Variants in EIF3L observed in about 807,000 individuals in gnomAD.
EIF3L encodes eIEF associated protein HSPC021.
A neutral mutation model predicts 74.6 loss-of-function variants in EIF3L; 32 were observed. That is an observed-to-expected ratio of 0.43 (90% CI 0.32 to 0.58). The LOEUF is 0.58. EIF3L is among the 20% of genes least tolerant of loss of function. The pLI is 0.06. For synonymous variants in EIF3L, 256 were observed against 254.4 expected, an observed-to-expected ratio of 1.01 and a Z score of -0.06; for missense variants, 474 against 707.8, an observed-to-expected ratio of 0.67 and a Z score of 3.75.
intron 2 of EIF3L, chr22:37,850,586 G>C: frequency 5.7e-6 from 1 of 175,386 alleles, no homozygotes; most frequent in Non-Finnish European, 1.3e-5. Flanking sequence ...TGATCCACCC[G>C]CCCCAACCTC....
chr22:37,855,205 G>T (rs1198959398), intron 3 of EIF3L, among the ~76,000 whole-genome samples: 1 of 152,132 alleles, frequency 6.6e-6, no homozygotes, highest in Non-Finnish European at 1.5e-5. Context: ...GTTTAGAGAC[G>T]TTTGGATGTG....
At position 37,860,476 on chromosome 22, in the gene EIF3L, G is replaced by A. The variant is rs148967156; in HGVS notation, c.435+1736G>A. Among the ~76,000 whole-genome samples the A allele has an allele frequency of 6.0e-3, 908 of 152,216 alleles. 6 individuals are homozygous for A. The highest frequency in any genetic ancestry group is 0.021 in the African/African-American group (875 of 41,526). Reference sequence around the variant, plus strand: ...CTCAAGCAATTCTCCAGGCTCAAACGATTCTCCTTCCTCAGCCTCCTGAGT... The same window carrying A: ...CTCAAGCAATTCTCCAGGCTCAAACAATTCTCCTTCCTCAGCCTCCTGAGT... On this transcript the variant is annotated intron_variant, in intron 5 of 12. Coordinates refer to ENST00000652021, the MANE Select transcript of EIF3L (RefSeq NM_016091.4).
At chr22:37,880,200 C>G (rs529222071) in intron 11 of EIF3L, 1 of 152,080 alleles carries the variant, frequency 6.6e-6, no homozygotes, top group Non-Finnish European at 1.5e-5. Context: ...GTAAGCTTCA[C>G]CTCCCAGGTT....
At chr22:37,853,155 C>T (rs1925319666) in intron 3 of EIF3L, among the ~76,000 whole-genome samples, 1 of 152,128 alleles carries the variant, frequency 6.6e-6, no homozygotes, top group Non-Finnish European at 1.5e-5. Context: ...AGCCTCAGTT[C>T]TTGCCTCCTC....
At chr22:37,873,914 A>G (rs1245284017) in intron 8 of EIF3L, among the ~76,000 whole-genome samples, 1 of 152,188 alleles carries the variant, frequency 6.6e-6, no homozygotes, top group East Asian at 1.9e-4. Context: ...TGCAGTGACT[A>G]CTGGTACAAT....
chr22:37,865,321 G>A (rs1257836212), intron 7 of EIF3L, among the ~76,000 whole-genome samples: 1 of 151,880 alleles, frequency 6.6e-6, no homozygotes, highest in African/African-American at 2.4e-5. Flanking sequence ...ACAGCTGGGC[G>A]TGGTGGTGTG....
At position 37,863,288 on chromosome 22, in the gene EIF3L, T is replaced by G; in HGVS notation, c.522T>G (p.Ala174=). ...FNYILNADGP[A]PLELPNQWLW... is the part of the protein sequence containing the mutation. ...CCTGCACAGATGCCGATGGTCCTGC[T>G]CCCCTTGAACTACCCAACCAGTGGC... The change falls in exon 7 of 13, where the codon GCT becomes GCG. Residue 174 remains alanine (A), a synonymous_variant. Coordinates refer to ENST00000652021, the MANE Select transcript of EIF3L (RefSeq NM_016091.4). 1 of 1,613,860 alleles carries G rather than the reference T, an allele frequency of 6.2e-7. No homozygotes were observed. Among genetic ancestry groups the G allele is most frequent in the Admixed American group, 1.7e-5 (1 of 59,934 alleles).
Position 37,877,893 on chromosome 22 carries a change from C to G in EIF3L, c.1297C>G (p.Pro433Ala). 1 of 1,612,980 alleles carries G rather than the reference C, an allele frequency of 6.2e-7. No homozygotes were observed. The highest frequency in any genetic ancestry group is 8.5e-7 in the Non-Finnish European group (1 of 1,179,844). The change falls in exon 11 of 13, where the codon CCC becomes GCC. Residue 433 changes from proline (P) to alanine (A), a missense_variant. By Grantham distance (27) the Pro-to-Ala change is conservative. Transcript: ENST00000652021. ...PVVPNYDNVHPNYHKEPFLQQ... is the reference protein window; with the variant it reads ...PVVPNYDNVHANYHKEPFLQQ... ...AGTGCCCAACTATGATAATGTGCAC[C>G]CCAACTACCACAAAGAGCCCTTCCT...
chr22:37,862,074 G>A (rs111354110), intron 5 of EIF3L, among the ~76,000 whole-genome samples: 9 of 152,298 alleles, frequency 5.9e-5, no homozygotes, highest in African/African-American at 1.9e-4. Flanking sequence ...GGCCTCAGGT[G>A]ATCAGCCCAC....
chr22:37,852,448 A>T (rs546076479), intron 3 of EIF3L, among the ~76,000 whole-genome samples: 1 of 152,254 alleles, frequency 6.6e-6, no homozygotes, highest in East Asian at 1.9e-4. Flanking sequence ...GCAGGTTTTG[A>T]GGGGCTGCCG....
chr22:37,874,532 C>T lies in EIF3L; in HGVS notation c.906+8C>T, dbSNP rs759497195. The T allele has an allele frequency of 1.2e-6, 2 of 1,612,060 alleles. No homozygotes were observed. Among genetic ancestry groups the T allele is most frequent in the Non-Finnish European group, 1.7e-6 (2 of 1,178,594 alleles). On this transcript the variant is annotated splice_region_variant and intron_variant, in intron 9 of 12. Transcript: ENST00000652021. ...ATCGAACTGAACAAGAAGGTGATGC[C>T]TATTGCCTCTGGCCCCTCTTGCCAG...
Position 37,877,736 on chromosome 22 carries a change from G to A in EIF3L, c.1140G>A (p.Met380Ile), listed in dbSNP as rs748041513. ...LLAIALTMYP[M>I]RIDESIHLQL... The stretch of plus-strand genomic sequence containing the variant: ...CCATTGCCCTCACGATGTACCCCAT[G>A]CGTATTGATGAGAGCATTCACCTCC... The change falls in exon 11 of 13, where the codon ATG becomes ATA. Residue 380 changes from methionine to isoleucine, a missense_variant. Met to Ile is a conservative substitution (Grantham distance 10, BLOSUM62 1). Transcript: ENST00000652021. 1.2e-6 allele frequency: 2 copies of A among 1,613,756 alleles called. No individual in the cohort carries two copies. The highest frequency in any genetic ancestry group is 2.2e-5 in the South Asian group (2 of 91,066).
chr22:37,874,616 A>G, intron 9 of EIF3L, 92 bp downstream of exon 9: 3 of 1,406,818 alleles, frequency 2.1e-6, no homozygotes, highest in Non-Finnish European at 2.9e-6. Context: ...TTTCCAGGAG[A>G]GGAAAGAGGA....
At position 37,875,888 on chromosome 22, in the gene EIF3L, T is replaced by A; in HGVS notation, c.954T>A (p.Tyr318Ter). Reference protein sequence around the residue: ...VPECQVTTYYYVGFAYLMMRR... With the variant: ...VPECQVTTYY ...AGTGCCAGGTCACCACATACTATTA[T>A]GTTGGGTTTGCATATTTGATGATGC... The change falls in exon 10 of 13, where the codon TAT becomes TAA. Residue 318 changes from tyrosine (Y) to a stop codon, truncating the protein, a stop_gained. Coordinates refer to ENST00000652021, the MANE Select transcript of EIF3L (RefSeq NM_016091.4). LOFTEE classifies it high-confidence loss of function. The A allele has an allele frequency of 6.2e-7, 1 of 1,614,096 alleles. No individual in the cohort carries two copies. Among genetic ancestry groups the A allele is most frequent in the Non-Finnish European group, 8.5e-7 (1 of 1,180,024 alleles).
chr22:37,870,331 G>C lies in EIF3L; in HGVS notation c.735G>C (p.Glu245Asp). 1.2e-6 allele frequency: 2 copies of C among 1,609,608 alleles called. No homozygotes were observed. The highest frequency in any genetic ancestry group is 1.7e-6 in the Non-Finnish European group (2 of 1,177,370). The change falls in exon 8 of 13, where the codon GAG (glutamate) becomes GAC (aspartate). Residue 245 changes from glutamate to aspartate, a missense_variant. Glu to Asp is a conservative substitution (Grantham distance 45). This residue lies in a region of EIF3L where 293 missense variants were observed against 469.1 expected (regional missense o/e 0.62). Transcript: ENST00000652021. ...AATCCAACATCAACCGACAGTTGGA[G>C]GTATACACAAGCGGAGGTGAGTGCA... Reference protein sequence around the residue: ...VDKSNINRQLEVYTSGGDPES... With the variant: ...VDKSNINRQLDVYTSGGDPES...
In EIF3L at chr22:37,862,961, C is replaced by G. The variant is rs746792570; in HGVS notation, c.436-8C>G. On this transcript the variant is annotated splice_region_variant and splice_polypyrimidine_tract_variant and intron_variant, in intron 5 of 12. Transcript: ENST00000652021. ...TCTGTATCTTGATATCTCTTGTTTTCTTTACAGGGGGGACCTTCCTTGGAG... is the reference window on the plus strand; with the variant it reads ...TCTGTATCTTGATATCTCTTGTTTTGTTTACAGGGGGGACCTTCCTTGGAG... 5.6e-6 allele frequency: 9 copies of G among 1,603,760 alleles called. No homozygotes were observed. The highest frequency in any genetic ancestry group is 5.6e-5 in the South Asian group (5 of 89,502).
Position 37,857,228 on chromosome 22 carries a change from G to A in EIF3L, c.374-1451G>A, listed in dbSNP as rs559036451. The stretch of plus-strand genomic sequence containing the variant: ...TGCAAAAAAGTTATCTGGGCAGGCC[G>A]GCATGGTGGCGGGCACCTGTAGTCC... On this transcript the variant is annotated intron_variant, in intron 4 of 12. Coordinates refer to ENST00000652021, the MANE Select transcript of EIF3L (RefSeq NM_016091.4). 5.3e-5 allele frequency among the ~76,000 whole-genome samples: 8 copies of A among 151,836 alleles called. No individual in the cohort carries two copies. The South Asian group carries it at 8.3e-4, about 16-fold the overall frequency.
intron 11 of EIF3L, chr22:37,879,980 T>C (rs972951287): frequency 2.4e-4 from 37 of 152,072 alleles, no homozygotes; most frequent in African/African-American, 8.7e-4. Flanking sequence ...TTTGTGTATT[T>C]TTAGTAGAGA....
intron 12 of EIF3L, chr22:37,888,077 G>T (rs775007783): frequency 4.4e-6 from 1 of 225,320 alleles, no homozygotes. Context: ...TGGTGGGCTA[G>T]GGCTGTCTTC....
Sources: allele counts gnomAD v4.1 joint callset (sites outside exome capture counted in the v4.1 genomes callset), GRCh38; gene constraint gnomAD v4.1.1; regional missense constraint gnomAD v4.1.1; transcripts MANE v1.5; gene names NCBI Gene and HGNC (gene_info 2026-07-23, HGNC 2026-07-21).